Variants in SEMA3A observed in about 807,000 individuals in gnomAD.
The protein encoded by SEMA3A is semaphorin 3A.
A neutral mutation model predicts 97.9 loss-of-function variants in SEMA3A; 29 were observed. The observed-to-expected ratio is 0.30, with a 90% CI of 0.22 to 0.40. SEMA3A has a LOEUF of 0.40. SEMA3A is among the 10% of genes least tolerant of loss of function. The pLI is 1.00. For synonymous variants in SEMA3A, 321 were observed against 323.7 expected, an observed-to-expected ratio of 0.99 and a Z score of 0.09; for missense variants, 763 against 951.3, an observed-to-expected ratio of 0.80 and a Z score of 2.60.
chr7:84,063,183 T>C (rs12667816), intron 4 of SEMA3A, among the ~76,000 whole-genome samples: 25,787 of 151,276 alleles, frequency 0.17, 2,582 homozygotes, highest in East Asian at 0.41. Context: ...TGGCAGGGTA[T>C]TCCAACAGAC....
At chr7:84,369,732 C>T (rs1477502118) in intron 2 of SEMA3A, among the ~76,000 whole-genome samples, 3 of 148,802 alleles carry the variant, frequency 2.0e-5, no homozygotes, top group Admixed American at 6.8e-5. Context: ...ACAGGTATGC[C>T]ATTTTAGAAA....
intron 1 of SEMA3A, among the ~76,000 whole-genome samples, chr7:84,411,168 C>T (rs1285301565): frequency 6.6e-6 from 1 of 152,056 alleles, no homozygotes; most frequent in Non-Finnish European, 1.5e-5. Flanking sequence ...AGATAGCATT[C>T]TTCTCCCACC....
chr7:84,246,647 C>T (rs1799483411), intron 3 of SEMA3A, among the ~76,000 whole-genome samples: 1 of 151,928 alleles, frequency 6.6e-6, no homozygotes, highest in South Asian at 2.1e-4. Context: ...TCAAAATTCT[C>T]AAACTCTCTT....
intron 6 of SEMA3A, among the ~76,000 whole-genome samples, chr7:84,040,161 A>AT (rs1792083739): frequency 6.6e-6 from 1 of 151,696 alleles, no homozygotes; most frequent in Non-Finnish European, 1.5e-5. Context: ...ACCTGCATTG[A>AT]ATATTTCATA....
intron 1 of SEMA3A, among the ~76,000 whole-genome samples, chr7:84,156,713 AGCTGTGT>A (rs1365545591): frequency 2.6e-5 from 4 of 152,148 alleles, no homozygotes; most frequent in Non-Finnish European, 5.9e-5. Flanking sequence ...TTTTTTTACC[AGCTGTGT>A]GTTTTAGCCA....
At chr7:84,467,978 C>T (rs1324714444) in intron 1 of SEMA3A, among the ~76,000 whole-genome samples, 3 of 152,086 alleles carry the variant, frequency 2.0e-5, no homozygotes, top group Non-Finnish European at 2.9e-5. Flanking sequence ...ATTTATCAAG[C>T]CCTACCAAGC....
At chr7:84,160,115 G>A (rs1315694248) in intron 1 of SEMA3A, among the ~76,000 whole-genome samples, 1 of 151,928 alleles carries the variant, frequency 6.6e-6, no homozygotes, top group Non-Finnish European at 1.5e-5. Flanking sequence ...ATATTCTTAA[G>A]AATTATAACG....
intron 9 of SEMA3A, among the ~76,000 whole-genome samples, 156 bp downstream of exon 9, chr7:84,010,866 G>A (rs1028581106): frequency 1.3e-5 from 2 of 151,972 alleles, no homozygotes; most frequent in Admixed American, 6.6e-5. Context: ...AAACATCTAC[G>A]TAGATCATAA....
chr7:84,260,498 G>T (rs1477414141), intron 3 of SEMA3A, among the ~76,000 whole-genome samples: 1 of 151,460 alleles, frequency 6.6e-6, no homozygotes, highest in African/African-American at 2.4e-5. Flanking sequence ...ACTCTCCAGG[G>T]ACCAGAAAGC....
intron 1 of SEMA3A, among the ~76,000 whole-genome samples, chr7:84,452,576 A>G (rs758507710): frequency 1.3e-5 from 2 of 152,192 alleles, no homozygotes; most frequent in Non-Finnish European, 2.9e-5. Context: ...TTCCTTTTTT[A>G]TCGGCTCTCA....
chr7:84,316,989 C>T (rs1801520994), intron 2 of SEMA3A, among the ~76,000 whole-genome samples: 1 of 151,832 alleles, frequency 6.6e-6, no homozygotes, highest in African/African-American at 2.4e-5. Context: ...TTTTTTCGCA[C>T]ATTAGGAAAT....
chr7:84,247,068 G>C (rs1799491449), intron 3 of SEMA3A, among the ~76,000 whole-genome samples: 1 of 152,130 alleles, frequency 6.6e-6, no homozygotes, highest in African/African-American at 2.4e-5. Context: ...ATATCAGATT[G>C]ATATTTGATA....
intron 1 of SEMA3A, among the ~76,000 whole-genome samples, chr7:84,400,107 C>T (rs922900470): frequency 6.6e-6 from 1 of 152,116 alleles, no homozygotes; most frequent in Non-Finnish European, 1.5e-5. Flanking sequence ...CTGCAGTGAC[C>T]ACAGGCTAAC....
intron 4 of SEMA3A, among the ~76,000 whole-genome samples, chr7:84,101,659 T>C (rs1794963428): frequency 6.6e-6 from 1 of 152,168 alleles, no homozygotes; most frequent in Admixed American, 6.6e-5. Flanking sequence ...TTAAATAATA[T>C]TATCATAAGC....
At chr7:84,386,835 A>T (rs185785423) in intron 1 of SEMA3A, among the ~76,000 whole-genome samples, 2 of 152,152 alleles carry the variant, frequency 1.3e-5, no homozygotes, top group African/African-American at 4.8e-5. Context: ...CCCTGTCTCT[A>T]CTAAAAATAT....
chr7:84,106,680 A>G (rs1795117533), intron 4 of SEMA3A, among the ~76,000 whole-genome samples: 1 of 152,298 alleles, frequency 6.6e-6, no homozygotes, highest in South Asian at 2.1e-4. Context: ...TTAAATAAGA[A>G]AGTAAGCCCT....
chr7:84,316,962 A>G (rs1801520086), intron 2 of SEMA3A, among the ~76,000 whole-genome samples: 1 of 151,900 alleles, frequency 6.6e-6, no homozygotes, highest in South Asian at 2.1e-4. Context: ...AGCTTGTGAT[A>G]ACAGCAAAAA....
In SEMA3A at chr7:84,002,196, T is replaced by C. The variant is rs974961441; in HGVS notation, c.1361-150A>G. 24 of 557,824 alleles carry C rather than the reference T, an allele frequency of 4.3e-5. No individual in the cohort carries two copies. In the Admixed American group the frequency reaches 7.8e-4, roughly 18 times the overall value. 34.6% of individuals were successfully genotyped at this position (557,824 alleles called of 1,614,324 possible). ...TTTTGGTCAAAACATGAGTAAAATA[T>C]ATATTCAAATGCATTTCATGCAATT... On this transcript the variant is annotated intron_variant, in intron 11 of 16. Transcript: ENST00000265362.
chr7:84,460,486 T>C (rs951683191), intron 1 of SEMA3A, among the ~76,000 whole-genome samples: 5 of 152,270 alleles, frequency 3.3e-5, no homozygotes, highest in South Asian at 2.1e-4. Flanking sequence ...TTATTATGTA[T>C]CTATTTTTCT....
Sources: gnomAD v4.1 joint callset for allele counts (sites outside exome capture counted in the v4.1 genomes callset) on GRCh38, gnomAD v4.1.1 for gene constraint, MANE v1.5 for transcripts, NCBI Gene and HGNC (gene_info 2026-07-23, HGNC 2026-07-21) for gene names.